The following CAST variants were observed in gnomAD, a reference collection of about 807,000 sequenced individuals.
CAST encodes MIR583 host.
CAST carries 76 observed loss-of-function variants against 119.6 expected under a neutral mutation model. The observed-to-expected ratio is 0.64, with a 90% CI of 0.53 to 0.77. The LOEUF is 0.77. Ranked by LOEUF, CAST falls within the 30% of genes least tolerant of loss-of-function variation. CAST has a pLI of 0.00. For missense variants in CAST, 953 were observed against 946.5 expected (o/e 1.01, Z -0.09); for synonymous variants, 319 against 331.6 (o/e 0.96, Z 0.41).
At chr5:96,566,350 T>C (rs1746469060) in intron 1 of CAST, among the ~76,000 whole-genome samples, 1 of 152,196 alleles carries the variant, frequency 6.6e-6, no homozygotes, top group African/African-American at 2.4e-5. Context: ...CAAATTAAGA[T>C]GGAAACAGAT....
the CAST span, among the ~76,000 whole-genome samples, chr5:96,113,537 AG>A: frequency 6.6e-6 from 1 of 152,264 alleles, no homozygotes; most frequent in Non-Finnish European, 1.5e-5. Context: ...CAGAGAAAAA[AG>A]AAAGTTTTAG....
At chr5:96,070,753 C>T in the CAST span, among the ~76,000 whole-genome samples, 5 of 152,242 alleles carry the variant, frequency 3.3e-5, no homozygotes, top group East Asian at 7.7e-4. Flanking sequence ...CTTAAAATAG[C>T]AGATAGGACT....
chr5:96,763,237 A>G (rs1446110330), intron 25 of CAST: 1 of 780,766 alleles, frequency 1.3e-6, no homozygotes, highest in East Asian at 2.4e-5. Flanking sequence ...ATCTGAAAAT[A>G]TCCAGAGGCA....
the CAST span, among the ~76,000 whole-genome samples, chr5:96,302,509 T>C: frequency 6.6e-6 from 1 of 152,210 alleles, no homozygotes; most frequent in Non-Finnish European, 1.5e-5. Context: ...ATGCTCTGCT[T>C]CCCTTTTAAA....
At chr5:96,490,403 T>C in the CAST span, among the ~76,000 whole-genome samples, 4 of 151,834 alleles carry the variant, frequency 2.6e-5, no homozygotes, top group Admixed American at 2.0e-4. Context: ...CAAATTGATA[T>C]AGTAATCCAA....
At chr5:96,580,667 C>A (rs1472559131) in intron 1 of CAST, among the ~76,000 whole-genome samples, 1 of 152,106 alleles carries the variant, frequency 6.6e-6, no homozygotes, top group Non-Finnish European at 1.5e-5. Flanking sequence ...GTAGCAAGGC[C>A]CTGCCTTATA....
At chr5:96,272,128 T>A in the CAST span, among the ~76,000 whole-genome samples, 1 of 152,092 alleles carries the variant, frequency 6.6e-6, no homozygotes, top group South Asian at 2.1e-4. Flanking sequence ...AACAAAGATG[T>A]GCAGAAAGGG....
chr5:96,190,219 T>C, the CAST span, among the ~76,000 whole-genome samples: 1 of 152,204 alleles, frequency 6.6e-6, no homozygotes, highest in African/African-American at 2.4e-5. Context: ...TGTACTTTTT[T>C]CAGGCAGCTC....
At chr5:96,107,235 T>A in the CAST span, among the ~76,000 whole-genome samples, 3 of 152,204 alleles carry the variant, frequency 2.0e-5, no homozygotes, top group Non-Finnish European at 4.4e-5. Context: ...TTAAAGTTAA[T>A]ATTGTTATGT....
chr5:96,322,931 G>C, the CAST span, among the ~76,000 whole-genome samples: 2 of 152,140 alleles, frequency 1.3e-5, no homozygotes, highest in African/African-American at 4.8e-5. Flanking sequence ...ATAAGGAGGA[G>C]AAAGGGACTC....
chr5:96,611,652 A>G (rs750133828), intron 1 of CAST, among the ~76,000 whole-genome samples: 6 of 152,182 alleles, frequency 3.9e-5, no homozygotes, highest in Non-Finnish European at 7.3e-5. Context: ...AGAAGCTATC[A>G]ACAGAGTAAG....
the CAST span, among the ~76,000 whole-genome samples, chr5:96,252,325 G>A: frequency 1.3e-5 from 2 of 151,968 alleles, no homozygotes; most frequent in Admixed American, 6.6e-5. Context: ...TCATTCATTC[G>A]CTCATCTTTT....
At chr5:96,682,511 A>G (rs542243018) in intron 2 of CAST, among the ~76,000 whole-genome samples, 1 of 150,746 alleles carries the variant, frequency 6.6e-6, no homozygotes, top group Middle Eastern at 3.4e-3. Flanking sequence ...TTTTGTCTGA[A>G]TTTTCTTCTT....
At chr5:96,500,319 C>T in the CAST span, among the ~76,000 whole-genome samples, 3 of 152,156 alleles carry the variant, frequency 2.0e-5, no homozygotes, top group Non-Finnish European at 4.4e-5. Context: ...TAAAGAGAAG[C>T]ACAATAAAAC....
At chr5:96,228,579 C>G in the CAST span, among the ~76,000 whole-genome samples, 3 of 152,146 alleles carry the variant, frequency 2.0e-5, no homozygotes, top group African/African-American at 7.2e-5. Flanking sequence ...ATTTGCAATC[C>G]TTTTTGCTAA....
the CAST span, among the ~76,000 whole-genome samples, chr5:96,277,438 G>A: frequency 7.3e-5 from 11 of 151,702 alleles, no homozygotes; most frequent in African/African-American, 2.7e-4. Flanking sequence ...TAGTCAGTTT[G>A]CCTATCTTTT....
At chr5:96,717,255 TAAAGTG>T (rs1757346355) in intron 3 of CAST, among the ~76,000 whole-genome samples, 1 of 152,136 alleles carries the variant, frequency 6.6e-6, no homozygotes, top group Admixed American at 6.6e-5. Flanking sequence ...GGTTCAGTGT[TAAAGTG>T]AGAAATATCA....
chr5:96,740,097 A>C lies in CAST; in HGVS notation c.858A>C (p.Pro286=). ...GTAAAAGAGAAGTCACAATTCCTCC[A>C]AAATATAGGGAACTATTGGCTGTAA... ...ELGKREVTIP[P]KYRELLAKKE... is the part of the protein sequence containing the mutation. The change falls in exon 12 of 32, where the codon CCA becomes CCC. Residue 286 remains proline, a synonymous_variant. Coordinates refer to ENST00000675179, the MANE Select transcript of CAST (RefSeq NM_001750.7). The C allele has an allele frequency of 1.3e-6, 2 of 1,539,230 alleles. No individual in the cohort carries two copies. Among genetic ancestry groups the C allele is most frequent in the Non-Finnish European group, 8.9e-7 (1 of 1,120,364 alleles).
the CAST span, among the ~76,000 whole-genome samples, chr5:95,963,727 T>C: frequency 1.5e-3 from 220 of 143,968 alleles, no homozygotes; most frequent in African/African-American, 3.7e-3. Context: ...CTCTCTCTCT[T>C]TTTTTTTTTT....
Sources: gnomAD v4.1 joint callset for allele counts (sites outside exome capture counted in the v4.1 genomes callset) on GRCh38, gnomAD v4.1.1 for gene constraint, MANE v1.5 for transcripts, NCBI Gene and HGNC (gene_info 2026-07-23, HGNC 2026-07-21) for gene names.